Variants in RPA3 observed in about 807,000 individuals in gnomAD.
RPA3 encodes replication protein A3.
A neutral mutation model predicts 13.7 loss-of-function variants in RPA3; 24 were observed. The ratio of observed to expected loss-of-function variants is 1.75; its 90% CI spans 1.27 to 2.46. RPA3 has a LOEUF of 2.46. Among genes scored for constraint, RPA3 ranks in the 30% most tolerant of loss-of-function variants. The pLI is 0.00. For missense variants in RPA3, 183 were observed against 151.0 expected, an observed-to-expected ratio of 1.21 and a Z score of -1.11; for synonymous variants, 59 against 51.2, an observed-to-expected ratio of 1.15 and a Z score of -0.65.
chr7:7,661,603 G>A (rs992236113), intron 4 of RPA3, among the ~76,000 whole-genome samples: 5 of 152,160 alleles, frequency 3.3e-5, no homozygotes, highest in Admixed American at 6.5e-5. Context: ...AGGTCCAGTC[G>A]AGACCCTGTT....
chr7:7,665,014 T>C lies in RPA3; in HGVS notation c.-758+20816A>G, dbSNP rs185993468. Reference sequence around the variant, plus strand: ...TGGGTGATATATAGATATATATATATACACACACACACACATTCATACACA... The same window carrying C: ...TGGGTGATATATAGATATATATATACACACACACACACACATTCATACACA... On this transcript the variant is annotated intron_variant, in intron 4 of 7. Transcript: ENST00000223129. Among the ~76,000 whole-genome samples the C allele has an allele frequency of 2.6e-3, 379 of 148,058 alleles. 2 individuals carry two copies. The highest frequency in any genetic ancestry group is 8.6e-3 in the African/African-American group (356 of 41,194).
chr7:7,677,184 G>A (rs1779762304), intron 4 of RPA3, among the ~76,000 whole-genome samples: 1 of 152,050 alleles, frequency 6.6e-6, no homozygotes, highest in South Asian at 2.1e-4. Context: ...CATATAATGT[G>A]TAGTGATCAA....
chr7:7,674,086 C>T (rs1583719910), intron 4 of RPA3, among the ~76,000 whole-genome samples: 1 of 152,170 alleles, frequency 6.6e-6, no homozygotes, highest in Non-Finnish European at 1.5e-5. Context: ...TATGCTCTTC[C>T]CAGAAATTCT....
At chr7:7,710,741 G>A (rs1265469514) in intron 2 of RPA3, among the ~76,000 whole-genome samples, 1 of 152,160 alleles carries the variant, frequency 6.6e-6, no homozygotes, top group Non-Finnish European at 1.5e-5. Flanking sequence ...ATAAAACTGA[G>A]TATTTATAGC....
At position 7,636,883 on chromosome 7, in the gene RPA3, C is replaced by G; in HGVS notation, c.*117G>C. ...CATCAAAAACTCTAGGTTGGAATAT[C>G]TTAAAAACAGCAAATTAAATATGAG... On this transcript the variant is annotated 3_prime_UTR_variant, in exon 8 of 8. Transcript: ENST00000223129. 1.2e-6 allele frequency: 1 copy of G among 801,162 alleles called. No homozygotes were observed. The highest frequency in any genetic ancestry group is 2.1e-6 in the Non-Finnish European group (1 of 477,136). The allele number at this position is 801,162 out of a possible 1,614,324, so 49.6% of individuals were successfully genotyped here.
intron 4 of RPA3, among the ~76,000 whole-genome samples, chr7:7,652,429 T>G (rs1785244894): frequency 6.6e-6 from 1 of 152,248 alleles, no homozygotes; most frequent in Admixed American, 6.5e-5. Flanking sequence ...AACAGCTGGC[T>G]GTCTTGTTTA....
intron 4 of RPA3, among the ~76,000 whole-genome samples, chr7:7,643,265 T>A (rs1563076447): frequency 6.6e-6 from 1 of 152,196 alleles, no homozygotes; most frequent in East Asian, 1.9e-4. Flanking sequence ...AGTATGATCT[T>A]CCAGGTACAC....
chr7:7,643,068 A>G (rs573232706), intron 4 of RPA3, among the ~76,000 whole-genome samples: 26 of 152,150 alleles, frequency 1.7e-4, no homozygotes, highest in African/African-American at 6.0e-4. Context: ...CTCTCCCCCA[A>G]CCCACTAGAA....
intron 4 of RPA3, among the ~76,000 whole-genome samples, chr7:7,653,512 A>T (rs1314540214): frequency 6.6e-6 from 1 of 152,204 alleles, no homozygotes; most frequent in Non-Finnish European, 1.5e-5. Context: ...TTACAAAAAA[A>T]ACCTCTTGAA....
At chr7:7,675,766 G>A (rs1347882575) in intron 4 of RPA3, among the ~76,000 whole-genome samples, 1 of 152,140 alleles carries the variant, frequency 6.6e-6, no homozygotes, top group Non-Finnish European at 1.5e-5. Context: ...AATCACTTCC[G>A]TCGTAGTTCC....
intron 4 of RPA3, among the ~76,000 whole-genome samples, chr7:7,674,536 T>C (rs1779690153): frequency 6.6e-6 from 1 of 152,216 alleles, no homozygotes; most frequent in Admixed American, 6.5e-5. Context: ...GGGAGGTTGC[T>C]CAGAATTGTT....
intron 4 of RPA3, chr7:7,673,523 A>G (rs1260022430): frequency 1.5e-6 from 1 of 661,554 alleles, no homozygotes; most frequent in South Asian, 1.7e-5. Context: ...TGAAAATTAT[A>G]TGATTGATTT....
intron 2 of RPA3, among the ~76,000 whole-genome samples, chr7:7,697,503 A>G (rs1780349939): frequency 6.6e-6 from 1 of 152,230 alleles, no homozygotes; most frequent in Non-Finnish European, 1.5e-5. Flanking sequence ...ATTTTGAAAT[A>G]TGATTGTGGC....
rs1186441771 is a variant in RPA3 at position 7,636,994 on chromosome 7, T to C, written c.*6A>G. The C allele has an allele frequency of 6.3e-7, 1 of 1,597,256 alleles. No homozygotes were observed. The highest frequency in any genetic ancestry group is 8.6e-7 in the Non-Finnish European group (1 of 1,166,148). On this transcript the variant is annotated 3_prime_UTR_variant, in exon 8 of 8. Transcript: ENST00000223129. ...TCATTTACAATCGTATGAAAATCCA[T>C]CAAGATCAATCATGTTGCACAATCC...
intron 4 of RPA3, among the ~76,000 whole-genome samples, chr7:7,649,133 G>A (rs531508883): frequency 2.1e-5 from 3 of 141,422 alleles, no homozygotes; most frequent in Admixed American, 7.4e-5. Context: ...ACTCCAGCCC[G>A]TGCGACAAGA....
intron 1 of RPA3, among the ~76,000 whole-genome samples, 169 bp downstream of exon 1, chr7:7,718,346 G>C (rs573398211): frequency 1.2e-3 from 184 of 152,284 alleles, no homozygotes; most frequent in Non-Finnish European, 2.1e-3. Context: ...GTGAGGGCAT[G>C]GGTTGTCTGT....
intron 4 of RPA3, among the ~76,000 whole-genome samples, chr7:7,661,475 A>G (rs967410696): frequency 1.3e-5 from 2 of 151,966 alleles, no homozygotes; most frequent in Non-Finnish European, 2.9e-5. Context: ...GATGCTGGTG[A>G]CCTTTCAGTG....
At chr7:7,650,346 C>G (rs1785196956) in intron 4 of RPA3, among the ~76,000 whole-genome samples, 1 of 152,124 alleles carries the variant, frequency 6.6e-6, no homozygotes, top group Non-Finnish European at 1.5e-5. Context: ...GTGTTTATTT[C>G]ATTCGAGTTC....
At chr7:7,674,969 A>T (rs1305878043) in intron 4 of RPA3, among the ~76,000 whole-genome samples, 1 of 152,046 alleles carries the variant, frequency 6.6e-6, no homozygotes, top group Non-Finnish European at 1.5e-5. Context: ...TAACACATAT[A>T]CAGGGAACTC....
Sources: gnomAD v4.1 joint callset for allele counts (sites outside exome capture counted in the v4.1 genomes callset) on GRCh38, gnomAD v4.1.1 for gene constraint, MANE v1.5 for transcripts, NCBI Gene and HGNC (gene_info 2026-07-23, HGNC 2026-07-21) for gene names.